Variants in SRC observed in about 807,000 individuals in gnomAD.
SRC encodes the protein SRC proto-oncogene, non-receptor tyrosine kinase, also known as proto-oncogene tyrosine-protein kinase Src.
SRC carries 13 observed loss-of-function variants against 62.9 expected under a neutral mutation model. That is an observed-to-expected ratio of 0.21 (90% CI 0.13 to 0.33). SRC has a LOEUF of 0.33. SRC is among the 10% of genes least tolerant of loss of function. SRC has a pLI of 1.00. For missense variants in SRC, 457 were observed against 737.3 expected, an observed-to-expected ratio of 0.62 and a Z score of 4.40; for synonymous variants, 302 against 317.5, an observed-to-expected ratio of 0.95 and a Z score of 0.52.
rs138857682 is a variant in SRC at position 37,393,350 on chromosome 20, G to T, written c.351-545G>T. Among the ~76,000 whole-genome samples the T allele has an allele frequency of 6.6e-5, 10 of 152,358 alleles. No homozygotes were observed. The East Asian group carries it at 1.5e-3, about 24-fold the overall frequency. On this transcript the variant is annotated intron_variant, in intron 5 of 13. Coordinates refer to ENST00000373578, the MANE Select transcript of SRC (RefSeq NM_198291.3). The stretch of plus-strand genomic sequence containing the variant: ...TAGTTTGCAGGGTTGGGGCCTGGAT[G>T]GTCACTGGGTCCCAGCAGGGCCCCT...
intron 2 of SRC, among the ~76,000 whole-genome samples, chr20:37,375,769 A>G (rs376657940): frequency 6.0e-4 from 92 of 152,338 alleles, no homozygotes; most frequent in African/African-American, 2.2e-3. Flanking sequence ...GTAACAAAAT[A>G]CCATAGACTG....
At chr20:37,377,718 A>T (rs940427251) in intron 2 of SRC, among the ~76,000 whole-genome samples, 9 of 152,216 alleles carry the variant, frequency 5.9e-5, no homozygotes, top group African/African-American at 2.2e-4. Context: ...TATTTTTTAA[A>T]AATTGTCACT....
At chr20:37,348,885 A>C (rs2069760323) in intron 1 of SRC, among the ~76,000 whole-genome samples, 1 of 152,236 alleles carries the variant, frequency 6.6e-6, no homozygotes, top group Non-Finnish European at 1.5e-5. Flanking sequence ...GCCAGGCAGC[A>C]GGAAGTGCAT....
At chr20:37,382,406 CCAT>C (rs1379654932) in intron 2 of SRC, among the ~76,000 whole-genome samples, 1 of 152,200 alleles carries the variant, frequency 6.6e-6, no homozygotes, top group Non-Finnish European at 1.5e-5. Context: ...ACTCTCACCA[CCAT>C]GCCATACCCT....
In SRC at chr20:37,398,070, G is replaced by A. The variant is rs1471336825; in HGVS notation, c.859+216G>A. Among the ~76,000 whole-genome samples the A allele has an allele frequency of 6.6e-6, 1 of 152,214 alleles. No individual in the cohort carries two copies. The highest frequency in any genetic ancestry group is 2.4e-5 in the African/African-American group (1 of 41,456). ...TGCAAACCATAGTGCCTGATTCCAA[G>A]ATCCGCACAGGGCTGGGCATTGCAC... On this transcript the variant is annotated intron_variant, in intron 9 of 13. Coordinates refer to ENST00000373578, the MANE Select transcript of SRC (RefSeq NM_198291.3). This position sits in a 1 kb window ranked among gnomAD's most constrained non-coding sequence, Gnocchi z 5.2.
chr20:37,349,287 G>T (rs759092393), intron 1 of SRC, among the ~76,000 whole-genome samples: 2 of 152,192 alleles, frequency 1.3e-5, no homozygotes, highest in Non-Finnish European at 2.9e-5. Flanking sequence ...TAGCAGCAAG[G>T]CTGGAGAGGA....
chr20:37,351,884 A>G lies in SRC; in HGVS notation c.-247+5629A>G, dbSNP rs559761486. 1.3e-5 allele frequency among the ~76,000 whole-genome samples: 2 copies of G among 152,274 alleles called. No individual in the cohort carries two copies. Among genetic ancestry groups the G allele is most frequent in the South Asian group, 4.1e-4 (2 of 4,822 alleles). On this transcript the variant is annotated intron_variant, in intron 1 of 13. Coordinates refer to ENST00000373578, the MANE Select transcript of SRC (RefSeq NM_198291.3). The surrounding 1 kb of genome is among the most constrained non-coding windows in gnomAD (Gnocchi z 4.4). ...AATTTGTGGGGATCTGATTCTTATTAAGTGTGTACCCAACGTGGCTAAAAC... is the reference window on the plus strand; with the variant it reads ...AATTTGTGGGGATCTGATTCTTATTGAGTGTGTACCCAACGTGGCTAAAAC...
intron 1 of SRC, among the ~76,000 whole-genome samples, chr20:37,357,140 G>A (rs923394054): frequency 6.6e-6 from 1 of 152,242 alleles, no homozygotes; most frequent in Non-Finnish European, 1.5e-5. Flanking sequence ...AAGCCCCTTT[G>A]TGGAGGGCGG....
Position 37,403,237 on chromosome 20 carries a change from G to C in SRC, c.1469G>C (p.Cys490Ser). ...RGYRMPCPPECPESLHDLMCQ... is the reference protein window; with the variant it reads ...RGYRMPCPPESPESLHDLMCQ... ...TACCGGATGCCCTGCCCGCCGGAGTGTCCCGAGTCCCTGCACGACCTCATG... is the reference window on the plus strand; with the variant it reads ...TACCGGATGCCCTGCCCGCCGGAGTCTCCCGAGTCCCTGCACGACCTCATG... Residue 490 changes from cysteine to serine, a missense_variant, in exon 14 of 14, where the codon TGT (cysteine) becomes TCT (serine). Around this residue, in one of 4 missense-constraint regions of SRC, gnomAD observed 168 missense variants for 357.8 expected, o/e 0.47. Coordinates refer to ENST00000373578, the MANE Select transcript of SRC (RefSeq NM_198291.3). This position sits in a 1 kb window ranked among gnomAD's most constrained non-coding sequence, Gnocchi z 7.1. The C allele has an allele frequency of 6.3e-7, 1 of 1,583,190 alleles. No homozygotes were observed. The highest frequency in any genetic ancestry group is 8.6e-7 in the Non-Finnish European group (1 of 1,166,404).
intron 2 of SRC, among the ~76,000 whole-genome samples, chr20:37,371,022 C>G (rs1269912623): frequency 1.4e-5 from 2 of 139,234 alleles, no homozygotes; most frequent in Non-Finnish European, 3.0e-5. Context: ...GAGTTTCACT[C>G]TTGTTGCCCA....
At chr20:37,376,100 G>A (rs1480584454) in intron 2 of SRC, among the ~76,000 whole-genome samples, 1 of 152,246 alleles carries the variant, frequency 6.6e-6, no homozygotes, top group Non-Finnish European at 1.5e-5. Flanking sequence ...TGCACATTCA[G>A]TCCATAGTGA....
chr20:37,399,995 G>T, intron 9 of SRC, 120 bp from the exon 10 acceptor site: 1 of 962,356 alleles, frequency 1.0e-6, no homozygotes, highest in South Asian at 2.0e-5. Flanking sequence ...CTTTGACTGG[G>T]TTTGTCACAT....
At chr20:37,355,950 G>C (rs2069876906) in intron 1 of SRC, among the ~76,000 whole-genome samples, 1 of 152,206 alleles carries the variant, frequency 6.6e-6, no homozygotes, top group Non-Finnish European at 1.5e-5. Flanking sequence ...GGGCCTGGGG[G>C]TGATGAGAGC....
chr20:37,396,439 C>A lies in SRC; in HGVS notation c.703+128C>A. 2 of 1,078,376 alleles carry A rather than the reference C, an allele frequency of 1.9e-6. No individual in the cohort carries two copies. The highest frequency in any genetic ancestry group is 2.6e-6 in the Non-Finnish European group (2 of 761,328). 66.8% of individuals were successfully genotyped at this position (1,078,376 alleles called of 1,614,324 possible). A position where few individuals can be genotyped will look rare whatever the true frequency, so the allele number is the denominator to read the frequency against. On this transcript the variant is annotated intron_variant, in intron 8 of 13. Transcript: ENST00000373578. This position sits in a 1 kb window ranked among gnomAD's most constrained non-coding sequence, Gnocchi z 6.1. Reference sequence around the variant, plus strand: ...GCTTCTCTCCCCACTTCCCCCTCCCCCCTCCCTTCCTCTCTCCTCCCTTTT... The same window carrying A: ...GCTTCTCTCCCCACTTCCCCCTCCCACCTCCCTTCCTCTCTCCTCCCTTTT...
At chr20:37,361,036 TG>T (rs890051503) in intron 1 of SRC, among the ~76,000 whole-genome samples, 1 of 138,248 alleles carries the variant, frequency 7.2e-6, no homozygotes, top group African/African-American at 2.8e-5. Flanking sequence ...TCTCAGCTTG[TG>T]GGGGGGCAGG....
At position 37,384,195 on chromosome 20, in the gene SRC, G is replaced by T; in HGVS notation, c.42G>T (p.Arg14=). The T allele has an allele frequency of 6.3e-7, 1 of 1,597,680 alleles. No homozygotes were observed. ...NKSKPKDASQ[R]RRSLEPAENV... is the part of the protein sequence containing the mutation. ...GCAAGCCCAAGGATGCCAGCCAGCG[G>T]CGCCGCAGCCTGGAGCCCGCCGAGA... is the stretch of plus-strand genomic sequence containing the variant. The change falls in exon 4 of 14, where the codon CGG becomes CGT. Residue 14 remains arginine, a synonymous_variant. Coordinates refer to ENST00000373578, the MANE Select transcript of SRC (RefSeq NM_198291.3). The surrounding 1 kb of genome is among the most constrained non-coding windows in gnomAD (Gnocchi z 6.7).
chr20:37,397,530 G>T lies in SRC; in HGVS notation c.704-169G>T, dbSNP rs1234421951. ...CAGATGCATAAAGCACTGTGGGCCT[G>T]TGTGGGGGTGGGGCTGTGTGCACAC... On this transcript the variant is annotated intron_variant, in intron 8 of 13. Coordinates refer to ENST00000373578, the MANE Select transcript of SRC (RefSeq NM_198291.3). The surrounding 1 kb of genome is among the most constrained non-coding windows in gnomAD (Gnocchi z 4.1). Among the ~76,000 whole-genome samples, 2 of 152,210 alleles carry T rather than the reference G, an allele frequency of 1.3e-5. No homozygotes were observed. The highest frequency in any genetic ancestry group is 2.9e-5 in the Non-Finnish European group (2 of 68,032).
At chr20:37,381,251 G>T (rs181414254) in intron 2 of SRC, among the ~76,000 whole-genome samples, 34 of 152,310 alleles carry the variant, frequency 2.2e-4, no homozygotes, top group Admixed American at 8.5e-4. Context: ...GAGTGCCCCA[G>T]TGTGGAGTGG....
intron 5 of SRC, among the ~76,000 whole-genome samples, chr20:37,392,081 C>A (rs1568639364): frequency 6.6e-6 from 1 of 152,028 alleles, no homozygotes; most frequent in Non-Finnish European, 1.5e-5. Flanking sequence ...CCAAAGGCTT[C>A]TTTTCTTGAG....
Sources: gnomAD v4.1 joint callset for allele counts (sites outside exome capture counted in the v4.1 genomes callset) on GRCh38, gnomAD v4.1.1 for gene constraint, gnomAD v4.1.1 regional missense constraint, Gnocchi (gnomAD v3.1) non-coding constraint, MANE v1.5 for transcripts, NCBI Gene and HGNC (gene_info 2026-07-23, HGNC 2026-07-21) for gene names.